PEX26: variants seen among roughly 807,000 people sequenced by gnomAD.
The protein encoded by PEX26 is peroxisomal biogenesis factor 26.
A neutral mutation model predicts 31.4 loss-of-function variants in PEX26; 18 were observed. That is an observed-to-expected ratio of 0.57 (90% confidence interval 0.40 to 0.85). PEX26 has a LOEUF of 0.85. PEX26 is among the 40% of genes least tolerant of loss of function. The pLI, the probability that PEX26 is intolerant of heterozygous loss-of-function variation, is 0.00. For missense variants in PEX26, 377 were observed against 383.9 expected (o/e 0.98, Z 0.15); for synonymous variants, 176 against 166.9 (o/e 1.05, Z -0.42).
In PEX26 at chr22:18,092,822, T is replaced by G; in HGVS notation, c.*4747T>G. On this transcript the variant is annotated 3_prime_UTR_variant, in exon 5 of 5. Coordinates refer to ENST00000399744, the MANE Select transcript of PEX26 (RefSeq NM_001127649.3). ...CCTAGTGGGACCCCATTTCTTTTTT[T>G]TGGGGGGGGGGTGGGTTATAAAAGC... is the stretch of plus-strand genomic sequence containing the variant. 1 of 74,566 alleles carries G rather than the reference T, an allele frequency of 1.3e-5. No homozygotes were observed. Among genetic ancestry groups the G allele is most frequent in the African/African-American group, 5.0e-5 (1 of 20,182 alleles). 4.6% of individuals were successfully genotyped at this position (74,566 alleles called of 1,614,324 possible).
At chr22:18,086,495 AC>A (rs1926848191) in intron 4 of PEX26, among the ~76,000 whole-genome samples, 1 of 152,068 alleles carries the variant, frequency 6.6e-6, no homozygotes, top group Non-Finnish European at 1.5e-5. Flanking sequence ...TAATTTAACA[AC>A]CCCTATTATT....
In PEX26 at chr22:18,096,203, G is replaced by A. The variant is rs974007571; in HGVS notation, c.*8128G>A. 6.6e-6 allele frequency: 1 copy of A among 152,140 alleles called. No homozygotes were observed. Among genetic ancestry groups the A allele is most frequent in the African/African-American group, 2.4e-5 (1 of 41,420 alleles). The allele number at this position is 152,140 out of a possible 1,614,324, so 9.4% of individuals were successfully genotyped here. A position where few individuals can be genotyped will look rare whatever the true frequency, so the allele number is the denominator to read the frequency against. ...AGTTACTTCATAGGTTTGTTGTGAG[G>A]ATTAACTGGTGCTAATCCATGTAAA... On this transcript the variant is annotated 3_prime_UTR_variant, in exon 5 of 5. Coordinates refer to ENST00000399744, the MANE Select transcript of PEX26 (RefSeq NM_001127649.3).
rs1441238898 is a variant in PEX26, at chr22:18,088,401, T to TG, written c.*328dup. On this transcript the variant is annotated 3_prime_UTR_variant, in exon 5 of 5. Coordinates refer to ENST00000399744, the MANE Select transcript of PEX26 (RefSeq NM_001127649.3). The surrounding 1 kb of genome is among the most constrained non-coding windows in gnomAD (Gnocchi z 4.1). ...CATCTTCTTGGTGAAGGCAAGGGGT[T>TG]GGTTCTTCAGGTCAGGATGTTAATG... 4 of 441,226 alleles carry TG rather than the reference T, an allele frequency of 9.1e-6. No individual in the cohort carries two copies. The highest frequency in any genetic ancestry group is 8.0e-5 in the African/African-American group (4 of 50,024). The allele number at this position is 441,226 out of a possible 1,614,324, so 27.3% of individuals were successfully genotyped here.
In PEX26 at chr22:18,094,524, G is replaced by C. The variant is rs909510928; in HGVS notation, c.*6449G>C. The C allele has an allele frequency of 6.6e-6, 1 of 152,142 alleles. No homozygotes were observed. The highest frequency in any genetic ancestry group is 6.5e-5 in the Admixed American group (1 of 15,268). The allele number at this position is 152,142 out of a possible 1,614,324, so 9.4% of individuals were successfully genotyped here. ...GAGAGAAAAAAGCTTCTTTAATGAC[G>C]ACCTCAACATAATTTACATGGAGAA... is the stretch of plus-strand genomic sequence containing the variant. On this transcript the variant is annotated 3_prime_UTR_variant, in exon 5 of 5. Coordinates refer to ENST00000399744, the MANE Select transcript of PEX26 (RefSeq NM_001127649.3).
Position 18,093,064 on chromosome 22 carries a change from GAC to G in PEX26, c.*4992_*4993del, listed in dbSNP as rs1927166400. 6.6e-6 allele frequency: 1 copy of G among 152,126 alleles called. No individual in the cohort carries two copies. The highest frequency in any genetic ancestry group is 1.5e-5 in the Non-Finnish European group (1 of 68,036). The allele number at this position is 152,126 out of a possible 1,614,324, so 9.4% of individuals were successfully genotyped here. ...ATACTTAAAACAGAGCTCAGGAGCAGACACGCAGTCCTGGGAACCCTTCAATA... is the reference window on the plus strand; with the variant it reads ...ATACTTAAAACAGAGCTCAGGAGCAGACGCAGTCCTGGGAACCCTTCAATA... On this transcript the variant is annotated 3_prime_UTR_variant, in exon 5 of 5. Transcript: ENST00000399744.
intron 2 of PEX26, among the ~76,000 whole-genome samples, chr22:18,080,638 A>G (rs1371843380): frequency 6.6e-6 from 1 of 152,208 alleles, no homozygotes. Flanking sequence ...CCAAAAAATA[A>G]CAAAGTTTTT....
In PEX26 at chr22:18,097,261, T is replaced by G. The variant is rs1321094352; in HGVS notation, c.*9186T>G. On this transcript the variant is annotated 3_prime_UTR_variant, in exon 5 of 5. Coordinates refer to ENST00000399744, the MANE Select transcript of PEX26 (RefSeq NM_001127649.3). ...CCAATGGCAGCTATGGCCGTTAGTT[T>G]TTTTTTTTTTTCTTTTTTTTGAGAC... is the stretch of plus-strand genomic sequence containing the variant. 6.6e-6 allele frequency: 1 copy of G among 151,898 alleles called. No individual in the cohort carries two copies. Among genetic ancestry groups the G allele is most frequent in the East Asian group, 1.9e-4 (1 of 5,192 alleles). 9.4% of individuals were successfully genotyped at this position (151,898 alleles called of 1,614,324 possible). A position where few individuals can be genotyped will look rare whatever the true frequency, so the allele number is the denominator to read the frequency against.
Position 18,093,441 on chromosome 22 carries a change from T to G in PEX26, c.*5366T>G, listed in dbSNP as rs1258023962. The G allele has an allele frequency of 6.6e-6, 1 of 152,022 alleles. No homozygotes were observed. Among genetic ancestry groups the G allele is most frequent in the Non-Finnish European group, 1.5e-5 (1 of 68,050 alleles). The allele number at this position is 152,022 out of a possible 1,614,324, so 9.4% of individuals were successfully genotyped here. A position where few individuals can be genotyped will look rare whatever the true frequency, so the allele number is the denominator to read the frequency against. ...AGCCGGGCGTGGTGGCGGGTGCCTG[T>G]AGCCCCAGCTACTCGGGAGGCTGAG... On this transcript the variant is annotated 3_prime_UTR_variant, in exon 5 of 5. Transcript: ENST00000399744.
intron 3 of PEX26, among the ~76,000 whole-genome samples, chr22:18,084,049 G>A (rs865794403): frequency 1.9e-4 from 29 of 152,190 alleles, no homozygotes; most frequent in Non-Finnish European, 1.5e-4. Flanking sequence ...TGGGTGGGAT[G>A]TCCTTCCTCC....
rs765654181 is a variant in PEX26, at chr22:18,078,465, C to T, written c.89C>T (p.Ala30Val). The T allele has an allele frequency of 3.2e-6, 5 of 1,576,374 alleles. No individual in the cohort carries two copies. Among genetic ancestry groups the T allele is most frequent in the Non-Finnish European group, 4.3e-6 (5 of 1,163,630 alleles). Reference protein sequence around the residue: ...RSSEPVRAVPARAPAVDLLEE... With the variant: ...RSSEPVRAVPVRAPAVDLLEE... ...AGCGAGCCGGTGCGCGCGGTCCCGG[C>T]CCGGGCGCCGGCCGTGGACCTTCTG... Residue 30 changes from alanine (A) to valine (V), a missense_variant, in exon 1 of 5, where the codon GCC becomes GTC. By Grantham distance (64) the Ala-to-Val change is moderately conservative. Transcript: ENST00000399744.
intron 1 of PEX26, chr22:18,079,406 A>G: frequency 5.1e-6 from 1 of 197,146 alleles, no homozygotes; most frequent in Non-Finnish European, 9.2e-6. Flanking sequence ...ATTTCAGTGA[A>G]TGCAGAAGGC....
At chr22:18,081,151 T>TTATATA (rs60289884) in intron 2 of PEX26, among the ~76,000 whole-genome samples, 68 of 141,370 alleles carry the variant, frequency 4.8e-4, no homozygotes, top group African/African-American at 1.6e-3. Context: ...TAGTATTCCA[T>TTATATA]TATATATATA....
In PEX26 at chr22:18,078,284, C is replaced by T. The variant is rs1926378209; in HGVS notation, c.-93C>T. ...GTGGGCAAAGAGATGAGGACTCTCC[C>T]TCTTCGCCCAGGCCAACTCGGGATA... On this transcript the variant is annotated 5_prime_UTR_variant, in exon 1 of 5. Coordinates refer to ENST00000399744, the MANE Select transcript of PEX26 (RefSeq NM_001127649.3). The T allele has an allele frequency of 2.2e-6, 2 of 913,024 alleles. No homozygotes were observed. Among genetic ancestry groups the T allele is most frequent in the East Asian group, 2.6e-5 (1 of 38,342 alleles). The allele number at this position is 913,024 out of a possible 1,614,324, so 56.6% of individuals were successfully genotyped here.
rs746924588 is a variant in PEX26 at position 18,078,531 on chromosome 22, G to C, written c.155G>C (p.Arg52Pro). The C allele has an allele frequency of 1.9e-6, 3 of 1,578,526 alleles. No individual in the cohort carries two copies. The South Asian group carries it at 3.4e-5, about 18-fold the overall frequency. ...CTCCTGGTGGTGCACCTGGACTTCC[G>C]GGCGGCGCTGGAGACCTGCGAGCGG... ...ADLLVVHLDF[R>P]AALETCERAW... The change falls in exon 1 of 5, where the codon CGG becomes CCG. Residue 52 changes from arginine to proline, a missense_variant. Coordinates refer to ENST00000399744, the MANE Select transcript of PEX26 (RefSeq NM_001127649.3).
chr22:18,078,984 G>A (rs1209142871), intron 1 of PEX26: 2 of 385,826 alleles, frequency 5.2e-6, no homozygotes, highest in Non-Finnish European at 1.0e-5. Flanking sequence ...GCTGATGATG[G>A]GGAATGGGGG....
In PEX26 at chr22:18,088,741, ACT is replaced by A. The variant is rs1316528864; in HGVS notation, c.*672_*673del. The A allele has an allele frequency of 1.2e-5, 2 of 171,352 alleles. No homozygotes were observed. The highest frequency in any genetic ancestry group is 5.4e-5 in the Admixed American group (1 of 18,402). 10.6% of individuals were successfully genotyped at this position (171,352 alleles called of 1,614,324 possible). On this transcript the variant is annotated 3_prime_UTR_variant, in exon 5 of 5. Transcript: ENST00000399744. The surrounding 1 kb of genome is among the most constrained non-coding windows in gnomAD (Gnocchi z 4.1). The stretch of plus-strand genomic sequence containing the variant: ...CAGTGAGCTGAGATTGTGCTACCGC[ACT>A]CTCTCAAAACAAACAAAAAAACATG...
chr22:18,078,663 A>G, intron 1 of PEX26, 57 bp downstream of exon 1: 2 of 1,445,912 alleles, frequency 1.4e-6, no homozygotes, highest in Non-Finnish European at 9.5e-7. Context: ...GTGGGGCTCA[A>G]GGTCTCAGGA....
chr22:18,079,470 A>G (rs361887), intron 1 of PEX26, among the ~76,000 whole-genome samples: 150,377 of 152,268 alleles, frequency 0.99, 74,261 homozygotes, highest in East Asian at 1. Context: ...TTAGCCAGCT[A>G]TGGAGTCTAT....
Position 18,098,115 on chromosome 22 carries a change from G to C in PEX26, c.*10040G>C, listed in dbSNP as rs1927348757. On this transcript the variant is annotated 3_prime_UTR_variant, in exon 5 of 5. Transcript: ENST00000399744. ...AATCTCAGCTACTTGGGAGGCTGAG[G>C]CACAAGAATCACTTGAACCCAGGAG... 1 of 152,026 alleles carries C rather than the reference G, an allele frequency of 6.6e-6. No homozygotes were observed. The highest frequency in any genetic ancestry group is 1.5e-5 in the Non-Finnish European group (1 of 68,042). The allele number at this position is 152,026 out of a possible 1,614,324, so 9.4% of individuals were successfully genotyped here.
Sources: gnomAD v4.1 joint callset for allele counts (sites outside exome capture counted in the v4.1 genomes callset) on GRCh38, gnomAD v4.1.1 for gene constraint, Gnocchi (gnomAD v3.1) non-coding constraint, MANE v1.5 for transcripts, NCBI Gene and HGNC (gene_info 2026-07-23, HGNC 2026-07-21) for gene names.